CCDC3: variants seen among roughly 807,000 people sequenced by gnomAD.
CCDC3 encodes the protein coiled-coil domain-containing protein 3.
In CCDC3, 24 loss-of-function variants were observed where a neutral mutation model predicts 21.4. The observed-to-expected ratio is 1.12, with a 90% confidence interval of 0.81 to 1.58. CCDC3 has a LOEUF of 1.58. Ranked by LOEUF, CCDC3 falls within the 40% of genes most tolerant of loss-of-function variation. CCDC3 has a pLI of 0.00. For synonymous variants in CCDC3, 186 were observed against 166.0 expected (o/e 1.12, Z -0.93); for missense variants, 425 against 360.9 (o/e 1.18, Z -1.44).
chr10:12,982,594 G>T (rs901728150), intron 2 of CCDC3, among the ~76,000 whole-genome samples: 1 of 151,630 alleles, frequency 6.6e-6, no homozygotes, highest in South Asian at 2.1e-4. Flanking sequence ...AGGAGTTCAA[G>T]ACCAGCCTGA....
chr10:12,968,969 T>C (rs1564302580), intron 2 of CCDC3, among the ~76,000 whole-genome samples: 1 of 151,978 alleles, frequency 6.6e-6, no homozygotes, highest in East Asian at 1.9e-4. Flanking sequence ...CAAAAAACAA[T>C]TAACAAAATG....
chr10:12,933,885 T>C (rs531753267), intron 2 of CCDC3, among the ~76,000 whole-genome samples: 1 of 152,322 alleles, frequency 6.6e-6, no homozygotes, highest in South Asian at 2.1e-4. Flanking sequence ...TTGATTTTAT[T>C]TATCTTTTCA....
At chr10:13,049,565 A>G (rs747748923) in intron 5 of CCDC3, 33 of 152,366 alleles carry the variant, frequency 2.2e-4, no homozygotes, top group Non-Finnish European at 3.7e-4. Context: ...TGAAGAGCGA[A>G]AAGTAACTTT....
chr10:13,075,271 T>C (rs192355844), intron 3 of CCDC3, among the ~76,000 whole-genome samples: 21 of 152,360 alleles, frequency 1.4e-4, no homozygotes, highest in African/African-American at 4.3e-4. Context: ...ACTTTTTGTT[T>C]TGCGTATCAC....
At chr10:13,045,795 A>G (rs1656529623) in intron 5 of CCDC3, among the ~76,000 whole-genome samples, 1 of 152,144 alleles carries the variant, frequency 6.6e-6, no homozygotes, top group Non-Finnish European at 1.5e-5. Flanking sequence ...TTTCATGTAA[A>G]GAAGTATATA....
intron 2 of CCDC3, among the ~76,000 whole-genome samples, chr10:12,910,243 C>T (rs968035152): frequency 6.6e-6 from 1 of 152,180 alleles, no homozygotes; most frequent in African/African-American, 2.4e-5. Context: ...TGCAATTTAG[C>T]AAGACCTTGC....
chr10:12,906,428 C>T (rs1230040869), intron 2 of CCDC3, among the ~76,000 whole-genome samples: 1 of 152,160 alleles, frequency 6.6e-6, no homozygotes, highest in Non-Finnish European at 1.5e-5. Flanking sequence ...GTTTCCTTTC[C>T]ATGAGGCAGC....
At chr10:12,931,744 C>G (rs1362739554) in intron 2 of CCDC3, among the ~76,000 whole-genome samples, 1 of 152,134 alleles carries the variant, frequency 6.6e-6, no homozygotes, top group East Asian at 1.9e-4. Context: ...TTTTCTATAA[C>G]AGAACTGTGG....
intron 2 of CCDC3, among the ~76,000 whole-genome samples, chr10:12,971,353 C>G (rs1383295003): frequency 9.2e-5 from 14 of 152,344 alleles, no homozygotes; most frequent in Middle Eastern, 3.4e-3. Context: ...CTTAACAGGT[C>G]CTGCAGATTG....
intron 2 of CCDC3, among the ~76,000 whole-genome samples, chr10:12,904,121 A>T (rs1834133399): frequency 6.6e-6 from 1 of 151,898 alleles, no homozygotes; most frequent in African/African-American, 2.4e-5. Context: ...GAGCTGGAGG[A>T]GGGAGCATCT....
chr10:13,063,385 A>G (rs1339757831), intron 4 of CCDC3, among the ~76,000 whole-genome samples: 2 of 150,962 alleles, frequency 1.3e-5, no homozygotes, highest in Non-Finnish European at 3.0e-5. Flanking sequence ...CAGTCTTCCT[A>G]TACACTCCAT....
intron 2 of CCDC3, among the ~76,000 whole-genome samples, chr10:12,983,583 A>C (rs1835540005): frequency 6.6e-6 from 1 of 151,936 alleles, no homozygotes; most frequent in Non-Finnish European, 1.5e-5. Flanking sequence ...AGAAAAAAAA[A>C]AAACAAAAGA....
At chr10:12,906,014 C>T (rs1313573197) in intron 2 of CCDC3, among the ~76,000 whole-genome samples, 2 of 152,166 alleles carry the variant, frequency 1.3e-5, no homozygotes, top group Non-Finnish European at 1.5e-5. Flanking sequence ...TGCCTTTTGG[C>T]GTTTTCCATA....
intron 2 of CCDC3, among the ~76,000 whole-genome samples, chr10:12,974,900 C>G (rs192416953): frequency 1.1e-4 from 16 of 152,300 alleles, no homozygotes; most frequent in African/African-American, 3.6e-4. Context: ...TTTTGAGAAC[C>G]CACTATGCAT....
intron 2 of CCDC3, among the ~76,000 whole-genome samples, chr10:12,968,986 G>A (rs1835301278): frequency 6.6e-6 from 1 of 152,112 alleles, no homozygotes; most frequent in South Asian, 2.1e-4. Flanking sequence ...AATGGCAATA[G>A]TACATCCTTA....
chr10:13,005,370 A>C (rs1042231020), upstream of CCDC3, among the ~76,000 whole-genome samples: 4 of 152,220 alleles, frequency 2.6e-5, no homozygotes, highest in Non-Finnish European at 5.9e-5. Context: ...ACTTGCTTGC[A>C]CCATCTGGAC....
At chr10:12,918,417 T>C (rs1834392280) in intron 2 of CCDC3, among the ~76,000 whole-genome samples, 1 of 152,274 alleles carries the variant, frequency 6.6e-6, no homozygotes, top group Non-Finnish European at 1.5e-5. Context: ...TGCAAAGTTA[T>C]ACTTTAGTTC....
At chr10:13,015,392 G>C (rs891812846) in intron 5 of CCDC3, among the ~76,000 whole-genome samples, 1 of 152,034 alleles carries the variant, frequency 6.6e-6, no homozygotes, top group African/African-American at 2.4e-5. Context: ...ACCAGGATGG[G>C]AATTCATCCC....
intron 2 of CCDC3, among the ~76,000 whole-genome samples, chr10:12,970,844 C>T (rs547027181): frequency 6.6e-6 from 1 of 150,720 alleles, no homozygotes; most frequent in Admixed American, 6.6e-5. Context: ...GAGCTGAGAT[C>T]GCATCACTGC....
Sources: allele counts gnomAD v4.1 joint callset (sites outside exome capture counted in the v4.1 genomes callset), GRCh38; gene constraint gnomAD v4.1.1; transcripts MANE v1.5; gene names NCBI Gene and HGNC (gene_info 2026-07-23, HGNC 2026-07-21).